HMCN2: variants seen among roughly 807,000 people sequenced by gnomAD.
The protein encoded by HMCN2 is hemicentin-2.
In HMCN2, 325 loss-of-function variants were observed where a neutral mutation model predicts 377.5. The ratio of observed to expected loss-of-function variants is 0.86; its 90% CI spans 0.79 to 0.94. The LOEUF is 0.94. Among genes scored for constraint, HMCN2 ranks in the 40% least tolerant of loss-of-function variants. The pLI is 0.00. For missense variants in HMCN2, 4,543 were observed against 4,725.3 expected (o/e 0.96, Z 1.13); for synonymous variants, 2,007 against 2,046.8 (o/e 0.98, Z 0.53).
rs1033016352 is a variant in HMCN2 at position 130,265,885 on chromosome 9, C to A, written c.7C>A (p.Pro3Thr). Reference protein sequence around the residue: MMPGAPLLRLLTA... With the variant: MMTGAPLLRLLTA... ...AGCCAGAGCCGCGCTCGGCATGATG[C>A]CCGGGGCGCCGCTCCTGCGGCTGCT... The change falls in exon 1 of 98, where the codon CCC becomes ACC. Residue 3 changes from proline (P) to threonine (T), a missense_variant. Pro to Thr is a conservative substitution (Grantham distance 38). Transcript: ENST00000683500. The A allele has an allele frequency of 1.9e-5, 7 of 363,882 alleles. No homozygotes were observed. The highest frequency in any genetic ancestry group is 1.1e-4 in the African/African-American group (5 of 44,950). 22.5% of individuals were successfully genotyped at this position (363,882 alleles called of 1,614,324 possible).
Position 130,394,506 on chromosome 9 carries a change from C to T in HMCN2, c.10623C>T (p.Asp3541=), listed in dbSNP as rs190602024. 9.9e-4 allele frequency: 1,281 copies of T among 1,289,824 alleles called. 4 individuals carry two copies. The highest frequency in any genetic ancestry group is 1.2e-3 in the Non-Finnish European group (1,197 of 988,864). The allele number at this position is 1,289,824 out of a possible 1,614,324, so 79.9% of individuals were successfully genotyped here. The stretch of plus-strand genomic sequence containing the variant: ...AGCCCAACATCACCTGGCATAAGGA[C>T]GGGCAGGCCCTGACCAGGCTGGAGA... ...TPQPNITWHK[D]GQALTRLENN... is the part of the protein sequence containing the mutation. Residue 3541 remains aspartate (D), a synonymous_variant, in exon 69 of 98, where the codon GAC becomes GAT. Transcript: ENST00000683500. This position sits in a 1 kb window ranked among gnomAD's most constrained non-coding sequence, Gnocchi z 5.1.
At chr9:130,344,207 G>C (rs1839216450) in intron 25 of HMCN2, among the ~76,000 whole-genome samples, 1 of 152,220 alleles carries the variant, frequency 6.6e-6, no homozygotes, top group Non-Finnish European at 1.5e-5. Flanking sequence ...GGGAAGTACA[G>C]GGGCTCTCAG....
At chr9:130,405,369 A>G (rs1251885394) in intron 81 of HMCN2, among the ~76,000 whole-genome samples, 1 of 152,244 alleles carries the variant, frequency 6.6e-6, no homozygotes, top group East Asian at 1.9e-4. Flanking sequence ...GTTGTCAACC[A>G]TGCGTTGGCA....
chr9:130,354,136 A>G (rs774010883), intron 31 of HMCN2, among the ~76,000 whole-genome samples: 2 of 152,182 alleles, frequency 1.3e-5, no homozygotes, highest in Non-Finnish European at 2.9e-5. Flanking sequence ...CACCCAAATA[A>G]GGTTAAGAAG....
intron 22 of HMCN2, among the ~76,000 whole-genome samples, chr9:130,337,024 A>G (rs1028602143): frequency 6.6e-6 from 1 of 152,166 alleles, no homozygotes; most frequent in Non-Finnish European, 1.5e-5. Context: ...TGGGCCTTGG[A>G]GTCCCCCACC....
intron 96 of HMCN2, among the ~76,000 whole-genome samples, chr9:130,431,918 G>A (rs564710937): frequency 2.3e-4 from 35 of 152,324 alleles, no homozygotes; most frequent in Admixed American, 1.4e-3. Flanking sequence ...CTCCCAAACC[G>A]GGCACAGTTT....
At chr9:130,284,907 A>G (rs896514490) in intron 2 of HMCN2, among the ~76,000 whole-genome samples, 1 of 152,164 alleles carries the variant, frequency 6.6e-6, no homozygotes, top group Non-Finnish European at 1.5e-5. Flanking sequence ...ACTGCCCTCC[A>G]TGCCAGATTC....
Position 130,371,095 on chromosome 9 carries a change from C to G in HMCN2, c.7201C>G (p.Pro2401Ala), listed in dbSNP as rs1840995100. 2 of 985,802 alleles carry G rather than the reference C, an allele frequency of 2.0e-6. No homozygotes were observed. Among genetic ancestry groups the G allele is most frequent in the South Asian group, 4.7e-5 (1 of 21,260 alleles). The allele number at this position is 985,802 out of a possible 1,614,324, so 61.1% of individuals were successfully genotyped here. ...PAIRWFRGEE[P>A]VSPGEDTYLL... ...CATCCGCTGGTTCCGAGGGGAGGAG[C>G]CTGTCAGCCCCGGGGAGGACACCTA... is the stretch of plus-strand genomic sequence containing the variant. The change falls in exon 46 of 98, where the codon CCT (proline) becomes GCT (alanine). Residue 2401 changes from proline to alanine, a missense_variant. This residue lies in a region of HMCN2 where 1,032 missense variants were observed against 1,285.1 expected (regional missense o/e 0.80). Transcript: ENST00000683500.
intron 3 of HMCN2, among the ~76,000 whole-genome samples, chr9:130,285,617 G>A (rs1357516227): frequency 2.0e-5 from 3 of 152,198 alleles, no homozygotes; most frequent in Non-Finnish European, 4.4e-5. Context: ...CAGGCAACCC[G>A]TCTTCCTCCT....
At position 130,353,169 on chromosome 9, in the gene HMCN2, G is replaced by A; in HGVS notation, c.4828G>A (p.Gly1610Arg). ...CACCTGCAAGGCCAGCAATGCTGTG[G>A]GGGCCGCAGAGAAGGCCACCAGGCT... ...VYTCKASNAV[G>R]AAEKATRLDV... The change falls in exon 31 of 98, where the codon GGG (glycine) becomes AGG (arginine). Residue 1610 changes from glycine to arginine, a missense_variant. Gly to Arg is a moderately radical substitution (Grantham distance 125, BLOSUM62 -2). Around this residue, in one of 5 missense-constraint regions of HMCN2, gnomAD observed 1,032 missense variants for 1,285.1 expected, o/e 0.80. Transcript: ENST00000683500. 8 of 1,304,034 alleles carry A rather than the reference G, an allele frequency of 6.1e-6. No individual in the cohort carries two copies. Among genetic ancestry groups the A allele is most frequent in the Non-Finnish European group, 8.1e-6 (8 of 988,868 alleles). 80.8% of individuals were successfully genotyped at this position (1,304,034 alleles called of 1,614,324 possible). A position where few individuals can be genotyped will look rare whatever the true frequency, so the allele number is the denominator to read the frequency against.
intron 73 of HMCN2, among the ~76,000 whole-genome samples, chr9:130,396,556 T>G (rs1842617697): frequency 1.3e-5 from 2 of 152,162 alleles, no homozygotes; most frequent in Admixed American, 6.5e-5. Context: ...TCTGATGGTT[T>G]TAAAGCTTCT....
intron 84 of HMCN2, 65 bp from the exon 85 acceptor site, chr9:130,410,506 C>A: frequency 2.7e-6 from 4 of 1,467,180 alleles, no homozygotes; most frequent in Non-Finnish European, 3.7e-6. Flanking sequence ...GTCCCCTACC[C>A]AACTGTCTGA....
intron 74 of HMCN2, among the ~76,000 whole-genome samples, chr9:130,398,153 CAAAA>C (rs397940740): frequency 2.9e-5 from 1 of 33,940 alleles, no homozygotes; most frequent in Non-Finnish European, 5.5e-5. Context: ...ACTCCGTCTA[CAAAA>C]AAAAAAAAAA....
intron 55 of HMCN2, 101 bp downstream of exon 55, chr9:130,382,398 C>A: frequency 2.4e-6 from 1 of 415,816 alleles, no homozygotes; most frequent in Non-Finnish European, 3.2e-6. Context: ...TCTTGCTGTA[C>A]TCAGAGGTTG....
rs1164448811 is a variant in HMCN2 at position 130,433,473 on chromosome 9, C to G, written c.15020C>G (p.Ser5007Cys). The change falls in exon 98 of 98, where the codon TCC becomes TGC. Residue 5007 changes from serine to cysteine, a missense_variant. Ser to Cys is a moderately radical substitution (Grantham distance 112). This residue lies in a region of HMCN2 where 1,155 missense variants were observed against 1,157.7 expected (regional missense o/e 1.00). Coordinates refer to ENST00000683500, the MANE Select transcript of HMCN2 (RefSeq NM_001291815.2). ...HHDVARLTAF[S>C]EVGVPANRTE... ...GACGTGGCCCGCCTCACCGCCTTCT[C>G]CGAGGTCGGCGTCCCCGCCAACCGC... The G allele has an allele frequency of 6.7e-7, 1 of 1,500,088 alleles. No individual in the cohort carries two copies. Among genetic ancestry groups the G allele is most frequent in the South Asian group, 1.2e-5 (1 of 80,012 alleles). The allele number at this position is 1,500,088 out of a possible 1,614,324, so 92.9% of individuals were successfully genotyped here.
rs1842725893 is a variant in HMCN2 at position 130,398,672 on chromosome 9, G to A, written c.11448G>A (p.Gln3816=). ...KPLVVWWKDG[Q]KLDFRLQQGA... ...TGGTGGTCTGGTGGAAGGACGGACAGAAGCTGGACTTCCGCCTGCAGCAGG... is the reference window on the plus strand; with the variant it reads ...TGGTGGTCTGGTGGAAGGACGGACAAAAGCTGGACTTCCGCCTGCAGCAGG... Residue 3816 remains glutamine, a synonymous_variant, in exon 75 of 98, where the codon CAG becomes CAA. Coordinates refer to ENST00000683500, the MANE Select transcript of HMCN2 (RefSeq NM_001291815.2). 5 of 1,289,552 alleles carry A rather than the reference G, an allele frequency of 3.9e-6. No homozygotes were observed. The allele number at this position is 1,289,552 out of a possible 1,614,324, so 79.9% of individuals were successfully genotyped here.
chr9:130,311,763 G>A (rs1346541597), intron 15 of HMCN2, among the ~76,000 whole-genome samples: 1 of 152,186 alleles, frequency 6.6e-6, no homozygotes, highest in East Asian at 1.9e-4. Context: ...AGAGGGTGGG[G>A]AGGGGGCAGC....
Position 130,347,896 on chromosome 9 carries a change from G to A in HMCN2, c.4024+536G>A, listed in dbSNP as rs1839471269. On this transcript the variant is annotated intron_variant, in intron 26 of 97. Coordinates refer to ENST00000683500, the MANE Select transcript of HMCN2 (RefSeq NM_001291815.2). The surrounding 1 kb of genome is among the most constrained non-coding windows in gnomAD (Gnocchi z 5.1). ...TTTTTAAAAATGAGCACGGATGGCAGTGCAGAGCCCCAGAGCCCACCTCCG... is the reference window on the plus strand; with the variant it reads ...TTTTTAAAAATGAGCACGGATGGCAATGCAGAGCCCCAGAGCCCACCTCCG... 3 of 522,362 alleles carry A rather than the reference G, an allele frequency of 5.7e-6. No homozygotes were observed. The highest frequency in any genetic ancestry group is 4.9e-6 in the Non-Finnish European group (2 of 407,482). The allele number at this position is 522,362 out of a possible 1,614,324, so 32.4% of individuals were successfully genotyped here. A position where few individuals can be genotyped will look rare whatever the true frequency, so the allele number is the denominator to read the frequency against.
chr9:130,377,047 C>T (rs1053796410), intron 52 of HMCN2, among the ~76,000 whole-genome samples: 1 of 152,140 alleles, frequency 6.6e-6, no homozygotes, highest in Admixed American at 6.5e-5. Flanking sequence ...CATCTGCCCG[C>T]CTTGGCCTCC....
Sources: allele counts gnomAD v4.1 joint callset (sites outside exome capture counted in the v4.1 genomes callset), GRCh38; gene constraint gnomAD v4.1.1; regional missense constraint gnomAD v4.1.1; non-coding constraint Gnocchi (gnomAD v3.1); transcripts MANE v1.5; gene names NCBI Gene and HGNC (gene_info 2026-07-23, HGNC 2026-07-21).